Variants in PHLPP1 observed in about 807,000 individuals in gnomAD.
PHLPP1 encodes the protein PH domain and leucine rich repeat protein phosphatase 1.
In PHLPP1, 42 loss-of-function variants were observed where a neutral mutation model predicts 117.2. That is an observed-to-expected ratio of 0.36 (90% CI 0.28 to 0.46). PHLPP1 has a LOEUF of 0.46. PHLPP1 is among the 20% of genes least tolerant of loss of function. The pLI is 1.00. For synonymous variants in PHLPP1, 1,042 were observed against 970.7 expected (o/e 1.07, Z -1.37); for missense variants, 2,084 against 2,241.9 (o/e 0.93, Z 1.42).
chr18:62,905,480 G>A (rs1916824435), intron 8 of PHLPP1, among the ~76,000 whole-genome samples, 196 bp downstream of exon 8: 1 of 152,154 alleles, frequency 6.6e-6, no homozygotes, highest in South Asian at 2.1e-4. Context: ...GCATCAAAGT[G>A]CCTGTGCACA....
At position 62,941,723 on chromosome 18, in the gene PHLPP1, G is replaced by A; in HGVS notation, c.2966G>A (p.Arg989Lys). Residue 989 changes from arginine (R) to lysine (K), a missense_variant, in exon 11 of 17, where the codon AGA becomes AAA. Arg to Lys is a conservative substitution (Grantham distance 26). Transcript: ENST00000262719. ...GTTGCGTTTTGTCATTGTAGCCTGA[G>A]ATTCCTGAACGCCTCTGCGAACAAA... ...PNLLMKADSL[R>K]FLNASANKLE... is the part of the protein sequence containing the mutation. The A allele has an allele frequency of 1.2e-6, 2 of 1,610,754 alleles. No individual in the cohort carries two copies. Among genetic ancestry groups the A allele is most frequent in the East Asian group, 4.5e-5 (2 of 44,766 alleles).
In PHLPP1 at chr18:62,979,273, A is replaced by G. The variant is rs1336226253; in HGVS notation, c.4996A>G (p.Ile1666Val). The change falls in exon 17 of 17, where the codon ATA (isoleucine) becomes GTA (valine). Residue 1666 changes from isoleucine to valine, a missense_variant. Ile to Val is a conservative substitution (Grantham distance 29). This residue lies in a region of PHLPP1 where 1,365 missense variants were observed against 1,605.9 expected (regional missense o/e 0.85). Coordinates refer to ENST00000262719, the MANE Select transcript of PHLPP1 (RefSeq NM_194449.4). Reference sequence around the variant, plus strand: ...GCCGGATCCTGATGATCAGTTTATCATACCCCCGGAGCTGGAAGAGGAGGT... The same window carrying G: ...GCCGGATCCTGATGATCAGTTTATCGTACCCCCGGAGCTGGAAGAGGAGGT... The part of the protein sequence containing the change: ...AQPDPDDQFI[I>V]PPELEEEVKE... 5 of 1,567,688 alleles carry G rather than the reference A, an allele frequency of 3.2e-6. No homozygotes were observed. In the South Asian group the frequency reaches 3.5e-5, roughly 11 times the overall value.
intron 1 of PHLPP1, among the ~76,000 whole-genome samples, chr18:62,792,113 T>G (rs914365538): frequency 6.6e-6 from 1 of 152,208 alleles, no homozygotes; most frequent in Non-Finnish European, 1.5e-5. Flanking sequence ...CCTCTTTTTA[T>G]GCTGCAAACT....
At chr18:62,856,585 G>A (rs1364314631) in intron 3 of PHLPP1, among the ~76,000 whole-genome samples, 4 of 151,956 alleles carry the variant, frequency 2.6e-5, no homozygotes, top group African/African-American at 4.8e-5. Flanking sequence ...GCACCACCAC[G>A]CCCAGCTAAT....
intron 3 of PHLPP1, among the ~76,000 whole-genome samples, chr18:62,850,427 T>C (rs1915316389): frequency 6.6e-6 from 1 of 151,880 alleles, no homozygotes; most frequent in South Asian, 2.1e-4. Context: ...TTTCTAGTAG[T>C]AGAACCACTT....
chr18:62,748,869 A>G (rs1017523766), intron 1 of PHLPP1, among the ~76,000 whole-genome samples: 1 of 151,926 alleles, frequency 6.6e-6, no homozygotes, highest in Non-Finnish European at 1.5e-5. Context: ...TTAAGGTTTT[A>G]ATTTTCTCTT....
intron 1 of PHLPP1, among the ~76,000 whole-genome samples, chr18:62,812,664 G>C (rs1395093174): frequency 6.6e-6 from 1 of 151,944 alleles, no homozygotes; most frequent in African/African-American, 2.4e-5. Context: ...GCGAAGTTCA[G>C]TTGTGTCTCC....
At chr18:62,913,281 A>G (rs1035206705) in intron 8 of PHLPP1, among the ~76,000 whole-genome samples, 2 of 152,010 alleles carry the variant, frequency 1.3e-5, no homozygotes, top group Non-Finnish European at 2.9e-5. Flanking sequence ...TCCTGTTGAG[A>G]TGTTTTAGAT....
At chr18:62,821,908 G>A (rs565823419) in intron 1 of PHLPP1, among the ~76,000 whole-genome samples, 2 of 152,074 alleles carry the variant, frequency 1.3e-5, no homozygotes, top group African/African-American at 4.8e-5. Flanking sequence ...ACAGGCGCAT[G>A]CCACTATGCC....
At chr18:62,773,483 A>G (rs964806852) in intron 1 of PHLPP1, among the ~76,000 whole-genome samples, 5 of 152,226 alleles carry the variant, frequency 3.3e-5, no homozygotes, top group Admixed American at 6.5e-5. Flanking sequence ...CTTTGGCTAC[A>G]TGGAAAGTTT....
chr18:62,935,313 A>C (rs936410427), intron 10 of PHLPP1, among the ~76,000 whole-genome samples: 4 of 152,232 alleles, frequency 2.6e-5, no homozygotes, highest in African/African-American at 7.2e-5. Flanking sequence ...CTTAAGAATA[A>C]ATAAGAAATG....
chr18:62,943,313 C>T (rs750719427), intron 11 of PHLPP1, among the ~76,000 whole-genome samples: 7 of 152,200 alleles, frequency 4.6e-5, no homozygotes, highest in Non-Finnish European at 7.3e-5. Context: ...CTGTATCCCT[C>T]AGCCTCATAT....
intron 4 of PHLPP1, among the ~76,000 whole-genome samples, chr18:62,892,074 CTTTCTTTCTTTTTTTTTTTTTTT>C: frequency 8.3e-6 from 1 of 120,614 alleles, no homozygotes; most frequent in Non-Finnish European, 1.7e-5. Flanking sequence ...TCTTTTCTTT[CTTTCTTTCTTTTTTTTTTTTTTT>C]TTTTTTTTTT....
chr18:62,772,650 T>C (rs1912821965), intron 1 of PHLPP1, among the ~76,000 whole-genome samples: 1 of 151,834 alleles, frequency 6.6e-6, no homozygotes, highest in Non-Finnish European at 1.5e-5. Context: ...GCCAACATGG[T>C]GAGACCCCCA....
At chr18:62,747,061 T>G (rs1911696201) in intron 1 of PHLPP1, among the ~76,000 whole-genome samples, 1 of 152,166 alleles carries the variant, frequency 6.6e-6, no homozygotes, top group African/African-American at 2.4e-5. Context: ...TAGTTCCTTC[T>G]CTTTACTGTT....
chr18:62,963,193 T>C (rs1362844265), intron 13 of PHLPP1, among the ~76,000 whole-genome samples, 175 bp from the exon 14 acceptor site: 1 of 152,242 alleles, frequency 6.6e-6, no homozygotes, highest in South Asian at 2.1e-4. Context: ...TCAGTTTTCA[T>C]TACAACGAGT....
chr18:62,765,633 C>G lies in PHLPP1; in HGVS notation c.1576+48374C>G, dbSNP rs140703246. ...CTTCCATGTATCTGCTTAAGTAGAT[C>G]TACAGGGTAAAGCATGTAGTTTTTA... On this transcript the variant is annotated intron_variant, in intron 1 of 16. Transcript: ENST00000262719. 8.3e-3 allele frequency among the ~76,000 whole-genome samples: 1,266 copies of G among 152,230 alleles called. 1 individual carries two copies. Among genetic ancestry groups the G allele is most frequent in the Non-Finnish European group, 0.014 (921 of 67,992 alleles).
At chr18:62,814,835 T>C (rs1316427634) in intron 1 of PHLPP1, among the ~76,000 whole-genome samples, 1 of 152,226 alleles carries the variant, frequency 6.6e-6, no homozygotes, top group Non-Finnish European at 1.5e-5. Context: ...GTAGGCTCTT[T>C]TAGGGAAGTG....
At chr18:62,975,237 CAA>C (rs935847733) in intron 15 of PHLPP1, among the ~76,000 whole-genome samples, 158 bp from the exon 16 acceptor site, 4 of 152,276 alleles carry the variant, frequency 2.6e-5, no homozygotes, top group African/African-American at 9.6e-5. Flanking sequence ...CTCTTTTCAT[CAA>C]AGAGGCAGAG....
Sources: allele counts gnomAD v4.1 joint callset (sites outside exome capture counted in the v4.1 genomes callset), GRCh38; gene constraint gnomAD v4.1.1; regional missense constraint gnomAD v4.1.1; transcripts MANE v1.5; gene names NCBI Gene and HGNC (gene_info 2026-07-23, HGNC 2026-07-21).